Variants in C16orf92 observed in about 807,000 individuals in gnomAD.
C16orf92 encodes fertilization-influencing membrane protein 1.
A neutral mutation model predicts 13.7 loss-of-function variants in C16orf92; 14 were observed. That is an observed-to-expected ratio of 1.02 (90% confidence interval 0.67 to 1.60). The LOEUF is 1.60. C16orf92 is among the 40% of genes most tolerant of loss of function. The pLI is 0.00. For missense variants in C16orf92, 116 were observed against 139.0 expected, an observed-to-expected ratio of 0.83 and a Z score of 0.83; for synonymous variants, 50 against 57.4, an observed-to-expected ratio of 0.87 and a Z score of 0.58.
At position 30,023,239 on chromosome 16, in the gene C16orf92, G is replaced by A; in HGVS notation, c.-102G>A. On this transcript the variant is annotated 5_prime_UTR_variant, in exon 1 of 4. Transcript: ENST00000681219. Reference sequence around the variant, plus strand: ...TCTTCTGATGAGAGTGAGGGATGGGGGAGGGGTCCCAGCTCCTAGCACTTT... The same window carrying A: ...TCTTCTGATGAGAGTGAGGGATGGGAGAGGGGTCCCAGCTCCTAGCACTTT... 2.0e-6 allele frequency: 2 copies of A among 998,416 alleles called. No individual in the cohort carries two copies. Among genetic ancestry groups the A allele is most frequent in the East Asian group, 2.7e-5 (1 of 37,510 alleles). The allele number at this position is 998,416 out of a possible 1,614,324, so 61.8% of individuals were successfully genotyped here. A position where few individuals can be genotyped will look rare whatever the true frequency, so the allele number is the denominator to read the frequency against.
downstream of C16orf92, chr16:30,025,962 A>G (rs901916404): frequency 1.3e-5 from 9 of 667,282 alleles, no homozygotes; most frequent in African/African-American, 9.0e-5. The surrounding 1 kb of genome is among the most constrained non-coding windows in gnomAD (Gnocchi z 4.1). Context: ...GGCTGGGTGC[A>G]GTGGCTCACG....
chr16:30,023,353 C>A lies in C16orf92; in HGVS notation c.13C>A (p.Pro5Thr). The A allele has an allele frequency of 6.2e-7, 1 of 1,607,374 alleles. No homozygotes were observed. Among genetic ancestry groups the A allele is most frequent in the Non-Finnish European group, 8.5e-7 (1 of 1,177,246 alleles). Reference sequence around the variant, plus strand: ...CATGATAGGAGTCATGAGGCTGTGGCCATGGGTGCTGGTGTGGGTGTGGCT... The same window carrying A: ...CATGATAGGAGTCATGAGGCTGTGGACATGGGTGCTGGTGTGGGTGTGGCT... MRLW[P>T]WVLVWVWLAA... The change falls in exon 1 of 4, where the codon CCA (proline) becomes ACA (threonine). Residue 5 changes from proline (P) to threonine (T), a missense_variant. By Grantham distance (38) the Pro-to-Thr change is conservative. Transcript: ENST00000681219.
chr16:30,025,039 T>G, downstream of C16orf92: 1 of 577,994 alleles, frequency 1.7e-6, no homozygotes, highest in Non-Finnish European at 2.9e-6. This position sits in a 1 kb window ranked among gnomAD's most constrained non-coding sequence, Gnocchi z 4.1. Flanking sequence ...CCCCGAGAGA[T>G]GGGGCCTCTT....
In C16orf92 at chr16:30,024,191, C is replaced by T; in HGVS notation, c.312-15C>T. Reference sequence around the variant, plus strand: ...CAGGCTGTGACCTCTCCCCTCTGATCTCCATGCCCCACAGAAACTTCCAGA... The same window carrying T: ...CAGGCTGTGACCTCTCCCCTCTGATTTCCATGCCCCACAGAAACTTCCAGA... On this transcript the variant is annotated splice_polypyrimidine_tract_variant and intron_variant, in intron 3 of 3. Coordinates refer to ENST00000681219, the MANE Select transcript of C16orf92 (RefSeq NM_001109659.2). 1 of 1,614,050 alleles carries T rather than the reference C, an allele frequency of 6.2e-7. No homozygotes were observed. Among genetic ancestry groups the T allele is most frequent in the Non-Finnish European group, 8.5e-7 (1 of 1,179,912 alleles).
Position 30,023,622 on chromosome 16 carries a change from G to T in C16orf92, c.65-105G>T, listed in dbSNP as rs771586701. The T allele has an allele frequency of 1.4e-5, 22 of 1,585,804 alleles. 1 individual carries two copies. Among genetic ancestry groups the T allele is most frequent in the Non-Finnish European group, 1.8e-5 (21 of 1,155,490 alleles). ...GAAATCAAGACCCTCCACAGCCTCT[G>T]CAATAAGGCTGGGTGGTCTCACAGG... is the stretch of plus-strand genomic sequence containing the variant. On this transcript the variant is annotated intron_variant, in intron 1 of 3. Coordinates refer to ENST00000681219, the MANE Select transcript of C16orf92 (RefSeq NM_001109659.2).
chr16:30,025,293 C>T (rs756547948), downstream of C16orf92: 25 of 1,553,234 alleles, frequency 1.6e-5, no homozygotes, highest in Non-Finnish European at 2.0e-5. This position sits in a 1 kb window ranked among gnomAD's most constrained non-coding sequence, Gnocchi z 4.1. Flanking sequence ...AGGAGCAGCG[C>T]AGCGCCCAGG....
At chr16:30,026,566 GC>G (rs2071146381), downstream of C16orf92, 1 of 1,559,126 alleles carries the variant, frequency 6.4e-7, no homozygotes, top group Admixed American at 1.7e-5. Context: ...GGACCAAGGA[GC>G]AGGCCACCCG....
rs375038075 is a variant in C16orf92 at position 30,024,256 on chromosome 16, C to T, written c.*29C>T. 1.2e-6 allele frequency: 2 copies of T among 1,611,188 alleles called. No homozygotes were observed. The highest frequency in any genetic ancestry group is 1.7e-6 in the Non-Finnish European group (2 of 1,177,488). On this transcript the variant is annotated 3_prime_UTR_variant, in exon 4 of 4. Coordinates refer to ENST00000681219, the MANE Select transcript of C16orf92 (RefSeq NM_001109659.2). ...GCCGGACAAGGGCTCTGGACTCAACCTGAGCACCCACACCCACCTCCTCTC... is the reference window on the plus strand; with the variant it reads ...GCCGGACAAGGGCTCTGGACTCAACTTGAGCACCCACACCCACCTCCTCTC...
chr16:30,027,366 G>T (rs1303482118), downstream of C16orf92, among the ~76,000 whole-genome samples: 1 of 152,218 alleles, frequency 6.6e-6, no homozygotes, highest in African/African-American at 2.4e-5. Flanking sequence ...AAAGGTAGGT[G>T]TGGCCATCAT....
downstream of C16orf92, chr16:30,025,690 C>T (rs1029274809): frequency 6.2e-7 from 1 of 1,601,540 alleles, no homozygotes; most frequent in South Asian, 1.1e-5. The surrounding 1 kb of genome is among the most constrained non-coding windows in gnomAD (Gnocchi z 4.1). Flanking sequence ...CTGTGACCTC[C>T]CCATTGGGCT....
chr16:30,023,645 A>G, intron 1 of C16orf92, 82 bp from the exon 2 acceptor site: 1 of 1,611,384 alleles, frequency 6.2e-7, no homozygotes, highest in Non-Finnish European at 8.5e-7. Context: ...GTGGTCTCAC[A>G]GGGTCCCAAG....
chr16:30,024,293 C>G lies in C16orf92; in HGVS notation c.*66C>G, dbSNP rs1209377859. On this transcript the variant is annotated 3_prime_UTR_variant, in exon 4 of 4. Transcript: ENST00000681219. The stretch of plus-strand genomic sequence containing the variant: ...ACCCACCTCCTCTCCTGTTGATGAG[C>G]AAAAGTTCCCTGCTTTCCTCCTCCC... 1.3e-6 allele frequency: 2 copies of G among 1,558,218 alleles called. No homozygotes were observed. The highest frequency in any genetic ancestry group is 2.2e-5 in the East Asian group (1 of 44,478).
downstream of C16orf92, chr16:30,026,856 G>A (rs375628742): frequency 5.6e-6 from 9 of 1,610,970 alleles, no homozygotes; most frequent in African/African-American, 1.2e-4. Flanking sequence ...GTTGGGCAGA[G>A]AGACGGGGTG....
chr16:30,025,619 G>A, downstream of C16orf92: 1 of 1,467,784 alleles, frequency 6.8e-7, no homozygotes, highest in Non-Finnish European at 9.5e-7. The surrounding 1 kb of genome is among the most constrained non-coding windows in gnomAD (Gnocchi z 4.1). Context: ...TGCACGGGGT[G>A]AGGGGGGGAT....
chr16:30,023,680 G>A (rs1258945133), intron 1 of C16orf92, 47 bp from the exon 2 acceptor site: 8 of 1,613,978 alleles, frequency 5.0e-6, no homozygotes, highest in East Asian at 2.2e-5. Flanking sequence ...GAGAGATAAA[G>A]GCAGGGGTCA....
downstream of C16orf92, chr16:30,025,176 C>G (rs1461839600): frequency 1.4e-6 from 2 of 1,444,298 alleles, no homozygotes; most frequent in East Asian, 5.1e-5. The surrounding 1 kb of genome is among the most constrained non-coding windows in gnomAD (Gnocchi z 4.1). Context: ...GGTCCCGGCC[C>G]CCGGCCTCAG....
At chr16:30,025,565 C>A, downstream of C16orf92, 16 of 1,542,514 alleles carry the variant, frequency 1.0e-5, no homozygotes, top group Non-Finnish European at 1.4e-5. The surrounding 1 kb of genome is among the most constrained non-coding windows in gnomAD (Gnocchi z 4.1). Flanking sequence ...CAGCTCCTCC[C>A]AAACCAGACA....
At chr16:30,025,967 C>A, downstream of C16orf92, 1 of 650,470 alleles carries the variant, frequency 1.5e-6, no homozygotes, top group Admixed American at 2.7e-5. This position sits in a 1 kb window ranked among gnomAD's most constrained non-coding sequence, Gnocchi z 4.1. Flanking sequence ...GGTGCAGTGG[C>A]TCACGCCGGT....
At position 30,023,760 on chromosome 16, in the gene C16orf92, T is replaced by C; in HGVS notation, c.98T>C (p.Leu33Pro). 6.2e-7 allele frequency: 1 copy of C among 1,614,094 alleles called. No individual in the cohort carries two copies. The highest frequency in any genetic ancestry group is 8.5e-7 in the Non-Finnish European group (1 of 1,179,976). The change falls in exon 2 of 4, where the codon CTG becomes CCG. Residue 33 changes from leucine (L) to proline (P), a missense_variant. Coordinates refer to ENST00000681219, the MANE Select transcript of C16orf92 (RefSeq NM_001109659.2). The part of the protein sequence containing the change: ...PRPKRATASA[L>P]GTESPRFLDR... ...CCCAAGCGTGCCACGGCGTCAGCCC[T>C]GGGGACAGAGTCTCCGCGCTTCTTA... is the stretch of plus-strand genomic sequence containing the variant.
Sources: gnomAD v4.1 joint callset for allele counts (sites outside exome capture counted in the v4.1 genomes callset) on GRCh38, gnomAD v4.1.1 for gene constraint, Gnocchi (gnomAD v3.1) non-coding constraint, MANE v1.5 for transcripts, NCBI Gene and HGNC (gene_info 2026-07-23, HGNC 2026-07-21) for gene names.